The following ZFHX3 variants were observed in gnomAD, a reference collection of about 807,000 sequenced individuals.
The protein encoded by ZFHX3 is zinc finger homeobox protein 3.
A neutral mutation model predicts 279.1 loss-of-function variants in ZFHX3; 42 were observed. That is an observed-to-expected ratio of 0.15 (90% CI 0.12 to 0.19). The LOEUF (loss-of-function observed/expected upper bound fraction) is 0.19. Ranked by LOEUF, ZFHX3 falls within the 10% of genes least tolerant of loss-of-function variation. The pLI, the probability that ZFHX3 is intolerant of heterozygous loss-of-function variation, is 1.00. For missense variants in ZFHX3, 4,981 were observed against 4,754.0 expected (o/e 1.05, Z -1.40); for synonymous variants, 2,293 against 1,957.8 (o/e 1.17, Z -4.52).
intron 3 of ZFHX3, among the ~76,000 whole-genome samples, chr16:73,445,891 C>T (rs145552890): frequency 3.5e-4 from 54 of 152,340 alleles, no homozygotes; most frequent in African/African-American, 1.3e-3. Flanking sequence ...TACACTCTTC[C>T]ATGAGTTCTG....
At position 73,006,854 on chromosome 16, in the gene ZFHX3, T is replaced by C. The variant is rs552961796; in HGVS notation, c.-50+40898A>G. Reference sequence around the variant, plus strand: ...AACCTCCTGTATACTTTAAATCATCTTTTGATTACTTATAACACCTAATGC... The same window carrying C: ...AACCTCCTGTATACTTTAAATCATCCTTTGATTACTTATAACACCTAATGC... On this transcript the variant is annotated intron_variant, in intron 1 of 9. Transcript: ENST00000268489. Among the ~76,000 whole-genome samples the C allele has an allele frequency of 7.9e-5, 12 of 152,324 alleles. No individual in the cohort carries two copies. In the South Asian group the frequency reaches 2.3e-3, roughly 29 times the overall value.
At chr16:73,029,181 C>G (rs928144593) in intron 1 of ZFHX3, among the ~76,000 whole-genome samples, 1 of 152,126 alleles carries the variant, frequency 6.6e-6, no homozygotes, top group African/African-American at 2.4e-5. Flanking sequence ...GAACAGGAGT[C>G]CTTTCAATGG....
In ZFHX3 at chr16:72,795,686, T is replaced by G; in HGVS notation, c.6996A>C (p.Lys2332Asn). The G allele has an allele frequency of 6.2e-7, 1 of 1,614,156 alleles. No individual in the cohort carries two copies. The highest frequency in any genetic ancestry group is 8.5e-7 in the Non-Finnish European group (1 of 1,180,040). ...AGATGCGCTGAAACACCAGGCTACATTTTTTGCACTGGTAGTTCAAGTTGC... is the reference window on the plus strand; with the variant it reads ...AGATGCGCTGAAACACCAGGCTACAGTTTTTGCACTGGTAGTTCAAGTTGC... ...RTSNLNYQCKKCSLVFQRIFD... is the reference protein window; with the variant it reads ...RTSNLNYQCKNCSLVFQRIFD... Residue 2332 changes from lysine (K) to asparagine (N), a missense_variant, in exon 9 of 10, where the codon AAA becomes AAC. By Grantham distance (94) the Lys-to-Asn change is moderately conservative (BLOSUM62 0). Around this residue, in one of 7 missense-constraint regions of ZFHX3, gnomAD observed 177 missense variants for 244.2 expected, o/e 0.72. Transcript: ENST00000268489.
rs1431026129 is a variant in ZFHX3 at position 73,509,469 on chromosome 16, C to T, written c.-1546-53211G>A. 3.3e-5 allele frequency among the ~76,000 whole-genome samples: 5 copies of T among 151,708 alleles called. No individual in the cohort carries two copies. The South Asian group carries it at 6.3e-4, about 19-fold the overall frequency. On this transcript the variant is annotated intron_variant, in intron 2 of 17. Transcript: ENST00000641206. ...GGGCTCTGACTACATCTCCCACTTCCCTTCTTACCACTCCCACCTTGGTCC... is the reference window on the plus strand; with the variant it reads ...GGGCTCTGACTACATCTCCCACTTCTCTTCTTACCACTCCCACCTTGGTCC...
At chr16:72,878,650 A>ACTG (rs1567561005) in intron 4 of ZFHX3, among the ~76,000 whole-genome samples, 1 of 152,210 alleles carries the variant, frequency 6.6e-6, no homozygotes, top group African/African-American at 2.4e-5. Context: ...AATGGATCAC[A>ACTG]CTGTTATCTA....
chr16:73,163,816 CATAA>C (rs923338379), intron 5 of ZFHX3, among the ~76,000 whole-genome samples: 215 of 152,206 alleles, frequency 1.4e-3, no homozygotes, highest in African/African-American at 4.5e-3. Flanking sequence ...CAATATTTTA[CATAA>C]ATAAATAAAT....
At chr16:73,497,894 C>T (rs1238545121) in intron 2 of ZFHX3, among the ~76,000 whole-genome samples, 2 of 152,188 alleles carry the variant, frequency 1.3e-5, no homozygotes, top group African/African-American at 4.8e-5. Context: ...AGATCCAGAG[C>T]TTAAATTGCT....
At chr16:73,671,038 A>T (rs867877350) in intron 2 of ZFHX3, among the ~76,000 whole-genome samples, 7 of 152,188 alleles carry the variant, frequency 4.6e-5, no homozygotes, top group Non-Finnish European at 1.0e-4. Context: ...TTCTTTTTCA[A>T]AACAGTGTAT....
At chr16:73,535,936 A>G (rs2019894028) in intron 2 of ZFHX3, among the ~76,000 whole-genome samples, 1 of 151,812 alleles carries the variant, frequency 6.6e-6, no homozygotes, top group Non-Finnish European at 1.5e-5. Flanking sequence ...GTTAGCCAGG[A>G]TGGTCTCTAT....
intron 5 of ZFHX3, among the ~76,000 whole-genome samples, chr16:72,828,067 T>C (rs959470816): frequency 2.6e-5 from 4 of 152,222 alleles, no homozygotes; most frequent in African/African-American, 9.6e-5. Flanking sequence ...CCTTCAGTCA[T>C]TTTCATTGCT....
At chr16:73,780,456 T>C (rs1050542974) in intron 1 of ZFHX3, among the ~76,000 whole-genome samples, 2 of 150,984 alleles carry the variant, frequency 1.3e-5, no homozygotes, top group African/African-American at 4.9e-5. Flanking sequence ...ACTTTTTTTT[T>C]TTTTAAGACA....
intron 2 of ZFHX3, among the ~76,000 whole-genome samples, chr16:73,643,134 A>G (rs181122603): frequency 2.6e-5 from 4 of 152,342 alleles, no homozygotes; most frequent in Admixed American, 1.3e-4. Context: ...AAAAGAACTA[A>G]AACAATATTT....
intron 2 of ZFHX3, among the ~76,000 whole-genome samples, chr16:73,457,683 G>A (rs888404018): frequency 1.3e-5 from 2 of 152,244 alleles, no homozygotes; most frequent in African/African-American, 2.4e-5. Context: ...GCTGAGGCAT[G>A]AGAATCGCTT....
intron 1 of ZFHX3, chr16:73,796,578 G>C (rs917699647): frequency 1.3e-5 from 2 of 152,210 alleles, no homozygotes; most frequent in East Asian, 1.9e-4. Flanking sequence ...GTGAGGACCT[G>C]ACAAAGCTAT....
At chr16:73,117,443 T>C (rs1166136051) in intron 7 of ZFHX3, among the ~76,000 whole-genome samples, 2 of 152,146 alleles carry the variant, frequency 1.3e-5, no homozygotes, top group African/African-American at 4.8e-5. Context: ...AGCATAGAGA[T>C]TTGGGGCCAG....
intron 4 of ZFHX3, among the ~76,000 whole-genome samples, chr16:73,312,374 T>C (rs1037130233): frequency 1.3e-5 from 2 of 151,922 alleles, no homozygotes; most frequent in African/African-American, 2.4e-5. Context: ...TTCTTTCACA[T>C]AACTTCCAAA....
At chr16:73,772,115 C>T (rs2054024812) in intron 1 of ZFHX3, among the ~76,000 whole-genome samples, 1 of 152,170 alleles carries the variant, frequency 6.6e-6, no homozygotes, top group Non-Finnish European at 1.5e-5. Context: ...GCAGAACCAT[C>T]CAGTTCTCCA....
At position 73,010,383 on chromosome 16, in the gene ZFHX3, G is replaced by A. The variant is rs184217707; in HGVS notation, c.-50+37369C>T. 2.8e-4 allele frequency among the ~76,000 whole-genome samples: 43 copies of A among 152,302 alleles called. No homozygotes were observed. The East Asian group carries it at 7.1e-3, about 25-fold the overall frequency. ...CAAAAGACGGATGACAGGAAAACCC[G>A]CTGGCCTTTGGCCCATTCCCTAGCA... On this transcript the variant is annotated intron_variant, in intron 1 of 9. Transcript: ENST00000268489.
intron 7 of ZFHX3, among the ~76,000 whole-genome samples, chr16:73,118,030 C>G (rs1338732567): frequency 6.6e-6 from 1 of 152,210 alleles, no homozygotes; most frequent in Non-Finnish European, 1.5e-5. Context: ...AAGACACCCC[C>G]AAAATCACAC....
Sources: gnomAD v4.1 joint callset for allele counts (sites outside exome capture counted in the v4.1 genomes callset) on GRCh38, gnomAD v4.1.1 for gene constraint, gnomAD v4.1.1 regional missense constraint, MANE v1.5 for transcripts, NCBI Gene and HGNC (gene_info 2026-07-23, HGNC 2026-07-21) for gene names.